The following EHHADH variants were observed in gnomAD, a reference collection of about 807,000 sequenced individuals.
EHHADH encodes the protein peroxisomal bifunctional enzyme.
EHHADH carries 48 observed loss-of-function variants against 64.4 expected under a neutral mutation model. The ratio of observed to expected loss-of-function variants is 0.75; its 90% CI spans 0.59 to 0.95. EHHADH has a LOEUF of 0.95. Among genes scored for constraint, EHHADH ranks in the 40% least tolerant of loss-of-function variants. EHHADH has a pLI of 0.00. For synonymous variants in EHHADH, 308 were observed against 326.7 expected (o/e 0.94, Z 0.62); for missense variants, 854 against 876.6 (o/e 0.97, Z 0.33).
intron 3 of EHHADH, among the ~76,000 whole-genome samples, chr3:185,231,871 A>G (rs1719143862): frequency 1.3e-5 from 2 of 152,218 alleles, no homozygotes; most frequent in Non-Finnish European, 2.9e-5. Flanking sequence ...TTACTGTGAT[A>G]ATGGTTGCAC....
chr3:185,191,772 T>G lies in EHHADH; in HGVS notation c.*454A>C, dbSNP rs537985464. 1.2e-5 allele frequency: 2 copies of G among 163,396 alleles called. No homozygotes were observed. The highest frequency in any genetic ancestry group is 4.8e-5 in the African/African-American group (2 of 41,672). The allele number at this position is 163,396 out of a possible 1,614,324, so 10.1% of individuals were successfully genotyped here. A position where few individuals can be genotyped will look rare whatever the true frequency, so the allele number is the denominator to read the frequency against. The stretch of plus-strand genomic sequence containing the variant: ...TGAAGTACTCAGTTCCCTTACCAAT[T>G]TCCAACTGTCTTTTTCCTACAACTT... On this transcript the variant is annotated 3_prime_UTR_variant, in exon 7 of 7. Transcript: ENST00000231887.
intron 5 of EHHADH, among the ~76,000 whole-genome samples, chr3:185,207,856 T>C (rs896333294): frequency 5.3e-5 from 8 of 152,216 alleles, no homozygotes; most frequent in Non-Finnish European, 8.8e-5. Flanking sequence ...TTCCAGAATA[T>C]GTAACAAACT....
At chr3:185,210,373 A>AC (rs1718508177) in intron 5 of EHHADH, among the ~76,000 whole-genome samples, 1 of 152,068 alleles carries the variant, frequency 6.6e-6, no homozygotes, top group African/African-American at 2.4e-5. Flanking sequence ...TTTGCCGGGC[A>AC]CAGTGTAATC....
chr3:185,204,368 T>C (rs1049200972), intron 6 of EHHADH, 48 bp downstream of exon 6: 3 of 1,517,078 alleles, frequency 2.0e-6, no homozygotes, highest in Non-Finnish European at 1.8e-6. Flanking sequence ...TGGTAGCACA[T>C]TACATGAGCA....
chr3:185,219,820 T>C (rs1446665658), intron 4 of EHHADH, among the ~76,000 whole-genome samples: 1 of 152,210 alleles, frequency 6.6e-6, no homozygotes, highest in Non-Finnish European at 1.5e-5. Flanking sequence ...GTTCTTATTA[T>C]TGCTTCAGAG....
chr3:185,218,321 G>T, intron 4 of EHHADH, 81 bp from the exon 5 acceptor site: 1 of 894,094 alleles, frequency 1.1e-6, no homozygotes, highest in Non-Finnish European at 1.7e-6. Flanking sequence ...TCTCTAGTAG[G>T]AAAGGCTGTC....
chr3:185,204,614 G>C lies in EHHADH; in HGVS notation c.712C>G (p.Gln238Glu), dbSNP rs367585416. Residue 238 changes from glutamine to glutamate, a missense_variant, in exon 6 of 7, where the codon CAG (glutamine) becomes GAG (glutamate). By Grantham distance (29) the Gln-to-Glu change is conservative. Coordinates refer to ENST00000231887, the MANE Select transcript of EHHADH (RefSeq NM_001966.4). ...TCATAGGGATACTGCACAGCAGCCT[G>C]GACTGCACGGACACAAGCCTCCTGT... is the stretch of plus-strand genomic sequence containing the variant. ...LAQEACVRAV[Q>E]AAVQYPYEVG... 5.6e-6 allele frequency: 9 copies of C among 1,614,082 alleles called. No individual in the cohort carries two copies. The highest frequency in any genetic ancestry group is 1.3e-5 in the African/African-American group (1 of 74,938).
rs940711677 is a variant in EHHADH, at chr3:185,192,148, G to T, written c.*78C>A. ...TGTATTTCAGAACAATCTTACTTTG[G>T]ATTTTTGATTTAATTTCACTGAAAT... On this transcript the variant is annotated 3_prime_UTR_variant, in exon 7 of 7. Coordinates refer to ENST00000231887, the MANE Select transcript of EHHADH (RefSeq NM_001966.4). 5 of 1,453,362 alleles carry T rather than the reference G, an allele frequency of 3.4e-6. No individual in the cohort carries two copies. In the African/African-American group the frequency reaches 5.7e-5, roughly 17 times the overall value. 90.0% of individuals were successfully genotyped at this position (1,453,362 alleles called of 1,614,324 possible).
At chr3:185,235,971 T>A (rs1194941267) in intron 2 of EHHADH, among the ~76,000 whole-genome samples, 3 of 152,204 alleles carry the variant, frequency 2.0e-5, no homozygotes, top group Non-Finnish European at 2.9e-5. Context: ...ATGAGTTATA[T>A]GTTAATCAAG....
intron 2 of EHHADH, among the ~76,000 whole-genome samples, chr3:185,240,654 TTC>T (rs944678640): frequency 2.6e-5 from 4 of 152,108 alleles, no homozygotes; most frequent in Non-Finnish European, 5.9e-5. Flanking sequence ...TATTTGAAAC[TTC>T]TCTCTTTTTG....
intron 3 of EHHADH, among the ~76,000 whole-genome samples, chr3:185,234,029 A>G (rs1421447339): frequency 6.6e-6 from 1 of 152,224 alleles, no homozygotes; most frequent in East Asian, 1.9e-4. Flanking sequence ...AGAATGAAAT[A>G]GAATGTTAAT....
At chr3:185,250,224 T>C (rs1052289693) in intron 1 of EHHADH, among the ~76,000 whole-genome samples, 5 of 152,222 alleles carry the variant, frequency 3.3e-5, no homozygotes, top group African/African-American at 1.2e-4. Flanking sequence ...AGATAGGGCA[T>C]GTAGCAGATT....
rs1350169316 is a variant in EHHADH at position 185,193,349 on chromosome 3, T to G, written c.1049A>C (p.Lys350Thr). 6.2e-7 allele frequency: 1 copy of G among 1,613,910 alleles called. No individual in the cohort carries two copies. Among genetic ancestry groups the G allele is most frequent in the Non-Finnish European group, 8.5e-7 (1 of 1,179,992 alleles). Reference protein sequence around the residue: ...ITSVLEKEASKMQQSGHPWSG... With the variant: ...ITSVLEKEASTMQQSGHPWSG... ...CCAAGGGTGGCCGCTCTGTTGCATTTTGGAGGCTTCTTTTTCCAAGACAGA... is the reference window on the plus strand; with the variant it reads ...CCAAGGGTGGCCGCTCTGTTGCATTGTGGAGGCTTCTTTTTCCAAGACAGA... The change falls in exon 7 of 7, where the codon AAA becomes ACA. Residue 350 changes from lysine (K) to threonine (T), a missense_variant. By Grantham distance (78) the Lys-to-Thr change is moderately conservative. Coordinates refer to ENST00000231887, the MANE Select transcript of EHHADH (RefSeq NM_001966.4).
rs559959272 is a variant in EHHADH, at chr3:185,228,233, C to CAAAAAA, written c.463+1193_463+1198dup. ...CTGGCGATAGAGTGAGACTCCGTCTCAAAAAAAAAAAAAAAAAAAAAAAAA... is the reference window on the plus strand; with the variant it reads ...CTGGCGATAGAGTGAGACTCCGTCTCAAAAAAAAAAAAAAAAAAAAAAAAAAAAAAA... On this transcript the variant is annotated intron_variant, in intron 4 of 6. Transcript: ENST00000231887. Among the ~76,000 whole-genome samples the CAAAAAA allele has an allele frequency of 8.7e-4, 11 of 12,688 alleles. 2 individuals are homozygous for CAAAAAA. Among genetic ancestry groups the CAAAAAA allele is most frequent in the South Asian group, 8.7e-3 (2 of 230 alleles). The allele number at this position is 12,688 out of a possible 152,430, so 8.3% of individuals were successfully genotyped here.
Position 185,204,622 on chromosome 3 carries a change from C to T in EHHADH, c.704G>A (p.Arg235His), listed in dbSNP as rs148423296. 38 of 1,614,114 alleles carry T rather than the reference C, an allele frequency of 2.4e-5. No individual in the cohort carries two copies. Among genetic ancestry groups the T allele is most frequent in the African/African-American group, 1.3e-4 (10 of 74,946 alleles). The change falls in exon 6 of 7, where the codon CGT (arginine) becomes CAT (histidine). Residue 235 changes from arginine to histidine, a missense_variant. Arg to His is a conservative substitution (Grantham distance 29). Coordinates refer to ENST00000231887, the MANE Select transcript of EHHADH (RefSeq NM_001966.4). ...ATACTGCACAGCAGCCTGGACTGCA[C>T]GGACACAAGCCTCCTGTGCAAGACA... Reference protein sequence around the residue: ...PGCLAQEACVRAVQAAVQYPY... With the variant: ...PGCLAQEACVHAVQAAVQYPY...
chr3:185,196,005 T>A (rs1202000162), intron 6 of EHHADH, among the ~76,000 whole-genome samples: 1 of 152,246 alleles, frequency 6.6e-6, no homozygotes, highest in South Asian at 2.1e-4. Flanking sequence ...GTACACAGAA[T>A]GTATACACAT....
chr3:185,216,430 C>T lies in EHHADH; in HGVS notation c.568+1706G>A, dbSNP rs1004581875. 6.6e-6 allele frequency among the ~76,000 whole-genome samples: 1 copy of T among 152,216 alleles called. No homozygotes were observed. The highest frequency in any genetic ancestry group is 1.5e-5 in the Non-Finnish European group (1 of 68,036). On this transcript the variant is annotated intron_variant, in intron 5 of 6. Coordinates refer to ENST00000231887, the MANE Select transcript of EHHADH (RefSeq NM_001966.4). The surrounding 1 kb of genome is among the most constrained non-coding windows in gnomAD (Gnocchi z 5.3). ...TTTCGGGACCTCCAAATGCAAATAGCCTTTGCTGTGTGTCTGTCAAGTGAC... is the reference window on the plus strand; with the variant it reads ...TTTCGGGACCTCCAAATGCAAATAGTCTTTGCTGTGTGTCTGTCAAGTGAC...
intron 4 of EHHADH, among the ~76,000 whole-genome samples, chr3:185,221,172 C>T (rs1268089712): frequency 5.9e-5 from 9 of 152,162 alleles, no homozygotes; most frequent in Non-Finnish European, 1.3e-4. Context: ...AATAGGGCAA[C>T]AAAATTATTC....
At chr3:185,210,483 A>C (rs186514532) in intron 5 of EHHADH, among the ~76,000 whole-genome samples, 20 of 151,892 alleles carry the variant, frequency 1.3e-4, no homozygotes, top group Middle Eastern at 3.4e-3. Context: ...AAAATACAAA[A>C]ATTAGCCAGG....
Sources: allele counts gnomAD v4.1 joint callset (sites outside exome capture counted in the v4.1 genomes callset), GRCh38; gene constraint gnomAD v4.1.1; non-coding constraint Gnocchi (gnomAD v3.1); transcripts MANE v1.5; gene names NCBI Gene and HGNC (gene_info 2026-07-23, HGNC 2026-07-21).